The following PBLD variants were observed in gnomAD, a reference collection of about 807,000 sequenced individuals.
PBLD encodes phenazine biosynthesis like protein domain containing, also known as phenazine biosynthesis-like domain-containing protein.
A neutral mutation model predicts 31.3 loss-of-function variants in PBLD; 26 were observed. That is an observed-to-expected ratio of 0.83 (90% CI 0.61 to 1.15). PBLD has a LOEUF of 1.15. PBLD is among the 50% of genes most tolerant of loss of function. The pLI is 0.00. For synonymous variants in PBLD, 114 were observed against 129.0 expected, an observed-to-expected ratio of 0.88 and a Z score of 0.79; for missense variants, 307 against 351.7, an observed-to-expected ratio of 0.87 and a Z score of 1.02.
At chr10:68,321,035 T>C (rs2044828446) in intron 1 of PBLD, among the ~76,000 whole-genome samples, 1 of 151,914 alleles carries the variant, frequency 6.6e-6, no homozygotes, top group Admixed American at 6.6e-5. Flanking sequence ...TTGGCCAGAC[T>C]GGTCTGGAAC....
chr10:68,325,991 G>T (rs985351464), intron 1 of PBLD, among the ~76,000 whole-genome samples: 1 of 151,896 alleles, frequency 6.6e-6, no homozygotes, highest in Non-Finnish European at 1.5e-5. Context: ...TGAAAGTCAG[G>T]GACAGGTTCA....
At chr10:68,308,273 G>T (rs2044610040) in intron 1 of PBLD, among the ~76,000 whole-genome samples, 1 of 152,060 alleles carries the variant, frequency 6.6e-6, no homozygotes, top group Non-Finnish European at 1.5e-5. Flanking sequence ...TATCCCTTTG[G>T]GTGAATATTT....
intron 2 of PBLD, among the ~76,000 whole-genome samples, chr10:68,303,071 T>C (rs2044526707): frequency 6.6e-6 from 1 of 151,658 alleles, no homozygotes; most frequent in Non-Finnish European, 1.5e-5. Flanking sequence ...TATTTATTTA[T>C]TTATTTATTT....
At chr10:68,326,155 G>A (rs906027322) in intron 1 of PBLD, among the ~76,000 whole-genome samples, 4 of 152,014 alleles carry the variant, frequency 2.6e-5, no homozygotes, top group African/African-American at 7.2e-5. Flanking sequence ...TGCAACCTCC[G>A]CCTCCTGAGT....
At chr10:68,328,355 C>A (rs1322606601) in intron 1 of PBLD, among the ~76,000 whole-genome samples, 1 of 152,124 alleles carries the variant, frequency 6.6e-6, no homozygotes, top group Non-Finnish European at 1.5e-5. Context: ...CGTTAATGTG[C>A]CTTCCCTCCC....
chr10:68,303,009 G>A (rs1288220771), intron 2 of PBLD, among the ~76,000 whole-genome samples: 1 of 151,834 alleles, frequency 6.6e-6, no homozygotes. Flanking sequence ...GTTTCTACAA[G>A]GTCTTTATTG....
intron 1 of PBLD, among the ~76,000 whole-genome samples, chr10:68,324,757 G>C (rs2044889174): frequency 6.6e-6 from 1 of 151,776 alleles, no homozygotes. Context: ...TGAGATTACA[G>C]GCATGTGCCA....
intron 1 of PBLD, among the ~76,000 whole-genome samples, chr10:68,325,274 A>G (rs1381812797): frequency 6.6e-6 from 1 of 151,414 alleles, no homozygotes; most frequent in African/African-American, 2.4e-5. Flanking sequence ...ACAAAAACCC[A>G]CTACATTGGC....
At chr10:68,296,166 A>G in intron 4 of PBLD, 100 bp downstream of exon 4, 1 of 879,486 alleles carries the variant, frequency 1.1e-6, no homozygotes, top group South Asian at 1.7e-5. Context: ...CAGAGTCTTT[A>G]TACCAGTCAC....
chr10:68,307,124 G>A (rs1012195963), intron 1 of PBLD, among the ~76,000 whole-genome samples: 3 of 152,104 alleles, frequency 2.0e-5, no homozygotes, highest in South Asian at 2.1e-4. Context: ...CCGCCTCCCC[G>A]GTTCAAGCGA....
At chr10:68,298,977 C>A (rs1338353084) in intron 2 of PBLD, among the ~76,000 whole-genome samples, 1 of 151,722 alleles carries the variant, frequency 6.6e-6, no homozygotes, top group African/African-American at 2.4e-5. Flanking sequence ...AGTGGTGGCA[C>A]GCGCCTGTAA....
At chr10:68,330,709 CGTGTGTGTGTGTGTGTGT>C (rs56166847) in intron 1 of PBLD, among the ~76,000 whole-genome samples, 34,043 of 142,876 alleles carry the variant, frequency 0.24, 4,188 homozygotes, top group East Asian at 0.35. Context: ...CCACGCCCGG[CGTGTGTGTGTGTGTGTGT>C]GTGTGTGTGT....
In PBLD at chr10:68,292,172, T is replaced by C; in HGVS notation, c.350A>G (p.Asp117Gly). Residue 117 changes from aspartate (D) to glycine (G), a missense_variant, in exon 5 of 10, where the codon GAT becomes GGT. Coordinates refer to ENST00000358769, the MANE Select transcript of PBLD (RefSeq NM_022129.4). ...SGELRARRAEDGIVLDLPLYP... is the reference protein window; with the variant it reads ...SGELRARRAEGGIVLDLPLYP... ...AAGAGGCAAGTCCAGGACGATGCCA[T>C]CCTCTGCTCGTCTGGCCCTTAGTTC... is the stretch of plus-strand genomic sequence containing the variant. 1 of 1,613,822 alleles carries C rather than the reference T, an allele frequency of 6.2e-7. No individual in the cohort carries two copies. Among genetic ancestry groups the C allele is most frequent in the Non-Finnish European group, 8.5e-7 (1 of 1,179,978 alleles).
intron 1 of PBLD, among the ~76,000 whole-genome samples, chr10:68,310,260 G>A (rs1023123759): frequency 4.0e-5 from 6 of 149,146 alleles, no homozygotes; most frequent in African/African-American, 1.5e-4. Context: ...AATAAAATAA[G>A]TTTTAAATCA....
At chr10:68,305,821 C>G (rs1165544226) in intron 2 of PBLD, among the ~76,000 whole-genome samples, 2 of 152,128 alleles carry the variant, frequency 1.3e-5, no homozygotes, top group Non-Finnish European at 2.9e-5. Flanking sequence ...TGTAATTGCT[C>G]TAGAAGACAG....
intron 2 of PBLD, among the ~76,000 whole-genome samples, chr10:68,297,472 G>A (rs1222084754): frequency 6.6e-6 from 1 of 152,148 alleles, no homozygotes; most frequent in African/African-American, 2.4e-5. Flanking sequence ...CCAGACCACT[G>A]TGTCTAAAGG....
At chr10:68,316,435 T>C (rs1176461345) in intron 1 of PBLD, among the ~76,000 whole-genome samples, 1 of 152,024 alleles carries the variant, frequency 6.6e-6, no homozygotes, top group Non-Finnish European at 1.5e-5. Context: ...TAATTGAGAT[T>C]ATTCAGTTTG....
At chr10:68,285,754 C>A (rs1439585385) in intron 8 of PBLD, among the ~76,000 whole-genome samples, 2 of 152,064 alleles carry the variant, frequency 1.3e-5, no homozygotes, top group African/African-American at 4.8e-5. Context: ...TCATGGCTCA[C>A]TGCAGTCTTG....
At chr10:68,287,551 G>C (rs1900019) in intron 8 of PBLD, 113,489 of 152,228 alleles carry the variant, frequency 0.75, 43,098 homozygotes, top group Middle Eastern at 0.84. Flanking sequence ...GCCCTGAAGG[G>C]TCTGCCCAGC....
Sources: allele counts gnomAD v4.1 joint callset (sites outside exome capture counted in the v4.1 genomes callset), GRCh38; gene constraint gnomAD v4.1.1; transcripts MANE v1.5; gene names NCBI Gene and HGNC (gene_info 2026-07-23, HGNC 2026-07-21).